The following RORA variants were observed in gnomAD, a reference collection of about 807,000 sequenced individuals.
RORA encodes nuclear receptor ROR-alpha.
A neutral mutation model predicts 69.5 loss-of-function variants in RORA; 7 were observed. The observed-to-expected ratio is 0.10, with a 90% CI of 0.06 to 0.19. RORA has a LOEUF of 0.19. Ranked by LOEUF, RORA falls within the 10% of genes least tolerant of loss-of-function variation. The pLI is 1.00. For missense variants in RORA, 457 were observed against 663.0 expected (o/e 0.69, Z 3.41); for synonymous variants, 261 against 240.8 (o/e 1.08, Z -0.78).
At chr15:60,573,331 G>A (rs1056728308) in intron 2 of RORA, among the ~76,000 whole-genome samples, 11 of 152,136 alleles carry the variant, frequency 7.2e-5, no homozygotes, top group African/African-American at 7.2e-5. Context: ...GACTCGTGGC[G>A]GATGCCTTTC....
At chr15:61,199,407 T>C (rs2079875252) in intron 1 of RORA, among the ~76,000 whole-genome samples, 1 of 152,152 alleles carries the variant, frequency 6.6e-6, no homozygotes, top group Non-Finnish European at 1.5e-5. Flanking sequence ...GATACAGATG[T>C]ACAAGATAAA....
At chr15:60,784,237 TTTG>T (rs1371840762) in intron 1 of RORA, among the ~76,000 whole-genome samples, 1 of 152,162 alleles carries the variant, frequency 6.6e-6, no homozygotes, top group African/African-American at 2.4e-5. Flanking sequence ...ATGGAGTTAT[TTTG>T]TTGTTGTTGT....
intron 1 of RORA, among the ~76,000 whole-genome samples, chr15:60,985,879 C>T (rs1029650351): frequency 3.9e-5 from 6 of 152,050 alleles, no homozygotes; most frequent in South Asian, 2.1e-4. Flanking sequence ...CGCGCCCAGC[C>T]GACATGTTTT....
intron 1 of RORA, among the ~76,000 whole-genome samples, chr15:60,768,961 G>A (rs1045383004): frequency 6.6e-6 from 1 of 152,152 alleles, no homozygotes; most frequent in African/African-American, 2.4e-5. Context: ...AATGTGTACT[G>A]CATGTGTGGT....
At chr15:60,858,158 G>A (rs939761956) in intron 1 of RORA, among the ~76,000 whole-genome samples, 4 of 152,260 alleles carry the variant, frequency 2.6e-5, no homozygotes, top group South Asian at 2.1e-4. Flanking sequence ...GTCAGAACAC[G>A]GGGTCCATGG....
chr15:60,770,140 T>C (rs2072051737), intron 1 of RORA, among the ~76,000 whole-genome samples: 1 of 152,218 alleles, frequency 6.6e-6, no homozygotes. Flanking sequence ...ATTTACACCT[T>C]CGTTAAAGGG....
chr15:60,980,286 A>G (rs1360615823), intron 1 of RORA, among the ~76,000 whole-genome samples: 4 of 152,086 alleles, frequency 2.6e-5, no homozygotes, highest in Non-Finnish European at 5.9e-5. Context: ...GTTTGCTAGT[A>G]TTTTGTTGAT....
chr15:60,678,960 G>C (rs572234258), intron 1 of RORA, among the ~76,000 whole-genome samples: 1 of 152,148 alleles, frequency 6.6e-6, no homozygotes, highest in Non-Finnish European at 1.5e-5. Context: ...AACAGGACGC[G>C]AGGAGACTCT....
chr15:60,518,341 C>T (rs1031538780), intron 3 of RORA, among the ~76,000 whole-genome samples: 1 of 152,228 alleles, frequency 6.6e-6, no homozygotes, highest in Non-Finnish European at 1.5e-5. Context: ...TATTAATCAT[C>T]AGTTAGCTCT....
At chr15:60,677,213 C>T (rs1440944733) in intron 2 of RORA, 5 of 455,916 alleles carry the variant, frequency 1.1e-5, no homozygotes, top group South Asian at 3.1e-5. Context: ...TGCAAGGAAG[C>T]GCTCTGTACC....
chr15:61,224,972 G>A (rs1596085143), intron 1 of RORA, among the ~76,000 whole-genome samples: 1 of 152,096 alleles, frequency 6.6e-6, no homozygotes, highest in Admixed American at 6.5e-5. Context: ...CATGCCAGTA[G>A]GTATTGGAAA....
At position 60,785,119 on chromosome 15, in the gene RORA, G is replaced by A. The variant is rs2072317363; in HGVS notation, c.167-106433C>T. On this transcript the variant is annotated intron_variant, in intron 1 of 10. Coordinates refer to ENST00000335670, the MANE Select transcript of RORA (RefSeq NM_134261.3). ...ATTATTGTGTTTGACAAGATAACCT[G>A]TACCCACTTGTACATTCATTACAGA... 1.3e-5 allele frequency among the ~76,000 whole-genome samples: 2 copies of A among 152,180 alleles called. 1 individual carries two copies. Among genetic ancestry groups the A allele is most frequent in the South Asian group, 4.1e-4 (2 of 4,830 alleles).
At chr15:60,691,938 T>C (rs1317206911) in intron 1 of RORA, among the ~76,000 whole-genome samples, 1 of 152,194 alleles carries the variant, frequency 6.6e-6, no homozygotes, top group African/African-American at 2.4e-5. Context: ...TAGTTAACCA[T>C]ATGCTACATA....
intron 1 of RORA, among the ~76,000 whole-genome samples, chr15:61,044,750 C>T (rs1437151434): frequency 3.3e-5 from 5 of 152,290 alleles, no homozygotes; most frequent in Admixed American, 3.3e-4. Flanking sequence ...TTCCCAGCAG[C>T]ATGTGTATCA....
At chr15:61,083,581 A>T (rs559662570) in intron 1 of RORA, among the ~76,000 whole-genome samples, 9 of 151,576 alleles carry the variant, frequency 5.9e-5, no homozygotes, top group South Asian at 2.1e-4. Context: ...CCCAGAATAC[A>T]CTGTTGCCGA....
At chr15:61,108,064 C>T (rs578099934) in intron 1 of RORA, among the ~76,000 whole-genome samples, 62 of 152,204 alleles carry the variant, frequency 4.1e-4, no homozygotes, top group African/African-American at 1.4e-3. Context: ...TCTGCAAAGC[C>T]CTCACTGCTG....
At chr15:60,516,151 A>ATATATATT (rs2065918866) in intron 3 of RORA, among the ~76,000 whole-genome samples, 1 of 39,840 alleles carries the variant, frequency 2.5e-5, no homozygotes, top group African/African-American at 7.9e-5. Context: ...ATATATTTAT[A>ATATATATT]TATATATATT....
chr15:60,588,169 C>T (rs1295165806), intron 2 of RORA, among the ~76,000 whole-genome samples: 8 of 151,976 alleles, frequency 5.3e-5, no homozygotes, highest in African/African-American at 1.9e-4. Flanking sequence ...TGGATGGCTC[C>T]AAAAAAACTG....
intron 1 of RORA, among the ~76,000 whole-genome samples, chr15:61,090,308 A>T (rs1386089294): frequency 6.6e-6 from 1 of 152,168 alleles, no homozygotes; most frequent in Non-Finnish European, 1.5e-5. Context: ...GCTACCTTCC[A>T]GTTCTCAGTT....
Sources: gnomAD v4.1 joint callset for allele counts (sites outside exome capture counted in the v4.1 genomes callset) on GRCh38, gnomAD v4.1.1 for gene constraint, MANE v1.5 for transcripts, NCBI Gene and HGNC (gene_info 2026-07-23, HGNC 2026-07-21) for gene names.